Variants in AP3B1 observed in about 807,000 individuals in gnomAD.
The protein encoded by AP3B1 is AP-3 complex subunit beta-1.
In AP3B1, 61 loss-of-function variants were observed where a neutral mutation model predicts 132.5. The ratio of observed to expected loss-of-function variants is 0.46; its 90% CI spans 0.37 to 0.57. AP3B1 has a LOEUF of 0.57. Among genes scored for constraint, AP3B1 ranks in the 20% least tolerant of loss-of-function variants. The probability of loss-of-function intolerance (pLI) is 0.00; values close to 1 mark genes in which losing one functional copy is unlikely to be tolerated. For missense variants in AP3B1, 1,120 were observed against 1,289.4 expected (o/e 0.87, Z 2.01); for synonymous variants, 388 against 438.3 (o/e 0.89, Z 1.43).
chr5:78,188,343 G>C (rs1350409156), intron 7 of AP3B1, among the ~76,000 whole-genome samples: 1 of 152,114 alleles, frequency 6.6e-6, no homozygotes, highest in African/African-American at 2.4e-5. Context: ...ATCTGACAAA[G>C]GGCTAATATC....
chr5:78,157,810 C>T (rs1031602878), intron 13 of AP3B1, among the ~76,000 whole-genome samples: 51 of 151,926 alleles, frequency 3.4e-4, no homozygotes, highest in Admixed American at 3.9e-4. Flanking sequence ...AGTACCATGG[C>T]GCAATCTCAG....
chr5:78,168,241 T>G lies in AP3B1; in HGVS notation c.1168-2569A>C, dbSNP rs1743745840. ...TTTCTTTTTTCTTTTTTTTTTTTTT[T>G]GAGACAAGGTCTTACTCTGTCACCG... On this transcript the variant is annotated intron_variant, in intron 11 of 26. Transcript: ENST00000255194. Among the ~76,000 whole-genome samples the G allele has an allele frequency of 3.4e-5, 5 of 148,656 alleles. No individual in the cohort carries two copies. In the South Asian group the frequency reaches 1.1e-3, roughly 32 times the overall value.
chr5:78,097,573 C>G (rs1184626505), intron 21 of AP3B1, among the ~76,000 whole-genome samples: 1 of 129,406 alleles, frequency 7.7e-6, no homozygotes, highest in African/African-American at 3.0e-5. Context: ...GTCAGCCCCC[C>G]GCCCGGCCAG....
chr5:78,234,985 T>TG (rs1169159169), intron 3 of AP3B1, among the ~76,000 whole-genome samples: 1 of 151,948 alleles, frequency 6.6e-6, no homozygotes, highest in Non-Finnish European at 1.5e-5. Flanking sequence ...TGTGGGTGTG[T>TG]GGGGAGGGGT....
intron 3 of AP3B1, among the ~76,000 whole-genome samples, chr5:78,233,486 C>T (rs1746743215): frequency 3.3e-5 from 5 of 152,190 alleles, no homozygotes; most frequent in East Asian, 1.9e-4. Context: ...CCGCCCACCC[C>T]GGCCTCCCAA....
chr5:78,283,251 T>C (rs1048044691), intron 1 of AP3B1, among the ~76,000 whole-genome samples: 1 of 152,168 alleles, frequency 6.6e-6, no homozygotes, highest in Non-Finnish European at 1.5e-5. Flanking sequence ...TGTGCCACAT[T>C]TTGACACCCA....
At chr5:78,293,841 G>A (rs1230659425) in intron 1 of AP3B1, among the ~76,000 whole-genome samples, 2 of 151,860 alleles carry the variant, frequency 1.3e-5, no homozygotes, top group African/African-American at 4.8e-5. Flanking sequence ...TTTTGGATTT[G>A]TTCACAGTAA....
At chr5:78,215,556 C>T in intron 7 of AP3B1, among the ~76,000 whole-genome samples, 1 of 152,132 alleles carries the variant, frequency 6.6e-6, no homozygotes. Flanking sequence ...AGAACACAAA[C>T]ATTTTATAAA....
intron 19 of AP3B1, among the ~76,000 whole-genome samples, chr5:78,110,581 A>G (rs1477556667): frequency 6.6e-6 from 1 of 152,170 alleles, no homozygotes; most frequent in African/African-American, 2.4e-5. Flanking sequence ...AAAGCAATGT[A>G]GAAAACATTA....
chr5:78,082,078 T>A (rs146377063), intron 22 of AP3B1, among the ~76,000 whole-genome samples: 1 of 152,334 alleles, frequency 6.6e-6, no homozygotes, highest in Non-Finnish European at 1.5e-5. Context: ...ATCCTGGTGC[T>A]TCCTGAGGAC....
intron 14 of AP3B1, among the ~76,000 whole-genome samples, chr5:78,151,529 C>G (rs1431326461): frequency 6.6e-6 from 1 of 152,126 alleles, no homozygotes; most frequent in Non-Finnish European, 1.5e-5. Context: ...AGGTATGTTC[C>G]TTCTATCCCC....
chr5:78,017,936 CAT>C (rs1003248853), intron 25 of AP3B1, among the ~76,000 whole-genome samples: 30 of 151,712 alleles, frequency 2.0e-4, no homozygotes, highest in African/African-American at 7.0e-4. Context: ...AACCAAATAA[CAT>C]AAAAAAATTC....
intron 26 of AP3B1, among the ~76,000 whole-genome samples, chr5:78,004,983 T>C (rs114289852): frequency 0.015 from 2,353 of 152,334 alleles, 64 homozygotes; most frequent in African/African-American, 0.051. Context: ...ATCTCTCTTT[T>C]CTAAGGCTCC....
chr5:78,067,533 T>C (rs1316611767), intron 22 of AP3B1, among the ~76,000 whole-genome samples: 1 of 152,224 alleles, frequency 6.6e-6, no homozygotes, highest in Non-Finnish European at 1.5e-5. Context: ...AAAACACTCC[T>C]CAGCAAATGC....
chr5:78,267,475 C>T, intron 2 of AP3B1, 45 bp downstream of exon 2: 1 of 1,093,850 alleles, frequency 9.1e-7, no homozygotes, highest in Non-Finnish European at 1.4e-6. Flanking sequence ...ATGATCACTG[C>T]TTGTCCATTT....
intron 17 of AP3B1, among the ~76,000 whole-genome samples, chr5:78,117,855 T>A (rs115142977): frequency 6.6e-6 from 1 of 152,214 alleles, no homozygotes; most frequent in African/African-American, 2.4e-5. Context: ...TCATGCTTCA[T>A]ATATGATTTT....
At chr5:78,191,077 G>T (rs921811277) in intron 7 of AP3B1, among the ~76,000 whole-genome samples, 2 of 152,078 alleles carry the variant, frequency 1.3e-5, no homozygotes, top group Non-Finnish European at 2.9e-5. Context: ...ACAAATCACA[G>T]TGATAAAAGA....
chr5:78,281,434 C>CAAAAA (rs36002317), intron 1 of AP3B1, among the ~76,000 whole-genome samples: 4 of 68,244 alleles, frequency 5.9e-5, no homozygotes, highest in Admixed American at 3.4e-4. Flanking sequence ...AACTCTGCCT[C>CAAAAA]AAAAAAAAAA....
At chr5:78,213,420 T>C (rs1745831625) in intron 7 of AP3B1, among the ~76,000 whole-genome samples, 1 of 152,198 alleles carries the variant, frequency 6.6e-6, no homozygotes, top group Non-Finnish European at 1.5e-5. Context: ...TTTTATAAAA[T>C]ATATTTATAA....
Sources: gnomAD v4.1 joint callset for allele counts (sites outside exome capture counted in the v4.1 genomes callset) on GRCh38, gnomAD v4.1.1 for gene constraint, MANE v1.5 for transcripts, NCBI Gene and HGNC (gene_info 2026-07-23, HGNC 2026-07-21) for gene names.